ZNF619: variants seen among roughly 807,000 people sequenced by gnomAD.
ZNF619 encodes the protein zinc finger protein 619.
Under a neutral mutation model 14.2 loss-of-function variants are expected in ZNF619, and 9 were observed. The observed-to-expected ratio is 0.64, with a 90% CI of 0.38 to 1.11. ZNF619 has a LOEUF of 1.11. Ranked by LOEUF, ZNF619 falls within the 50% of genes least tolerant of loss-of-function variation. ZNF619 has a pLI of 0.01. For synonymous variants in ZNF619, 246 were observed against 252.8 expected (o/e 0.97, Z 0.26); for missense variants, 659 against 680.1 (o/e 0.97, Z 0.34).
Position 40,481,927 on chromosome 3 carries a change from C to G in ZNF619, c.89C>G (p.Thr30Ser). The change falls in exon 3 of 5, where the codon ACC becomes AGC. Residue 30 changes from threonine (T) to serine (S), a missense_variant. Physicochemically the swap from Thr to Ser is moderately conservative, Grantham distance 58. Transcript: ENST00000432264. ...VTFEDVAVYFTQNEWASLHPT... is the reference protein window; with the variant it reads ...VTFEDVAVYFSQNEWASLHPT... The stretch of plus-strand genomic sequence containing the variant: ...TTTGAGGATGTGGCTGTGTACTTCA[C>G]CCAGAATGAATGGGCCAGCCTGCAC... 1.9e-6 allele frequency: 3 copies of G among 1,613,860 alleles called. No individual in the cohort carries two copies. Among genetic ancestry groups the G allele is most frequent in the Non-Finnish European group, 2.5e-6 (3 of 1,179,882 alleles).
At position 40,486,895 on chromosome 3, in the gene ZNF619, C is replaced by G. The variant is rs765861454; in HGVS notation, c.385C>G (p.Leu129Val). The G allele has an allele frequency of 6.2e-7, 1 of 1,614,180 alleles. No homozygotes were observed. The highest frequency in any genetic ancestry group is 8.5e-7 in the Non-Finnish European group (1 of 1,180,042). ...SESHRLIVEGLLMDVPQHPDF... is the reference protein window; with the variant it reads ...SESHRLIVEGVLMDVPQHPDF... ...GTCCCACAGACTGATAGTGGAGGGA[C>G]TGCTGATGGACGTTCCCCAGCACCC... The change falls in exon 5 of 5, where the codon CTG (leucine) becomes GTG (valine). Residue 129 changes from leucine to valine, a missense_variant. By Grantham distance (32) the Leu-to-Val change is conservative. Transcript: ENST00000432264.
intron 2 of ZNF619, 99 bp from the exon 3 acceptor site, chr3:40,481,764 T>C: frequency 4.0e-6 from 6 of 1,485,134 alleles, no homozygotes; most frequent in Non-Finnish European, 3.6e-6. Flanking sequence ...TGTGTGGCTC[T>C]CCTTGCCAGT....
chr3:40,482,960 G>C lies in ZNF619; in HGVS notation c.295+256G>C, dbSNP rs1049860840. ...GATGTGGTGGCTTACACCTATATCCGAGCACTTTGGGAGGCCAAGGTGGGA... is the reference window on the plus strand; with the variant it reads ...GATGTGGTGGCTTACACCTATATCCCAGCACTTTGGGAGGCCAAGGTGGGA... On this transcript the variant is annotated intron_variant, in intron 4 of 4. Transcript: ENST00000432264. Among the ~76,000 whole-genome samples, 3 of 152,110 alleles carry C rather than the reference G, an allele frequency of 2.0e-5. No homozygotes were observed. The South Asian group carries it at 6.2e-4, about 31-fold the overall frequency.
At chr3:40,480,275 C>T (rs1199219303) in intron 2 of ZNF619, among the ~76,000 whole-genome samples, 1 of 152,104 alleles carries the variant, frequency 6.6e-6, no homozygotes, top group Admixed American at 6.5e-5. Flanking sequence ...AAATTGAAAT[C>T]AATTAAAGTT....
intron 4 of ZNF619, among the ~76,000 whole-genome samples, chr3:40,486,599 G>T (rs1001545211): frequency 2.0e-5 from 3 of 151,982 alleles, no homozygotes; most frequent in Admixed American, 2.0e-4. Context: ...TACTTGGGAG[G>T]CTGAGGTAGG....
chr3:40,485,685 A>G (rs1277003026), intron 4 of ZNF619, among the ~76,000 whole-genome samples: 1 of 151,668 alleles, frequency 6.6e-6, no homozygotes, highest in Non-Finnish European at 1.5e-5. Context: ...ACATGTCTGT[A>G]TTGTTTTAGG....
rs1307446147 is a variant in ZNF619 at position 40,488,223 on chromosome 3, T to C, written c.1713T>C (p.Pro571=). Residue 571 remains proline (P), a synonymous_variant, in exon 5 of 5, where the codon CCT becomes CCC. Transcript: ENST00000432264. ...PGKSSLQSPN[P]LSHSL is the part of the protein sequence containing the mutation. ...AGTCATCCCTTCAGAGCCCGAATCC[T>C]TTGTCTCACTCCCTGTAAGCCCCGT... 3 of 1,568,886 alleles carry C rather than the reference T, an allele frequency of 1.9e-6. No homozygotes were observed. Among genetic ancestry groups the C allele is most frequent in the Non-Finnish European group, 1.7e-6 (2 of 1,145,542 alleles).
chr3:40,485,788 G>A (rs78133211), intron 4 of ZNF619, among the ~76,000 whole-genome samples: 1 of 152,082 alleles, frequency 6.6e-6, no homozygotes, highest in South Asian at 2.1e-4. Context: ...GGCAAAAAAG[G>A]TTTCTATGTT....
chr3:40,480,241 C>G (rs1697340182), intron 2 of ZNF619, among the ~76,000 whole-genome samples: 1 of 152,110 alleles, frequency 6.6e-6, no homozygotes, highest in African/African-American at 2.4e-5. Context: ...CAGGAAGGTA[C>G]CCCCTAGCTA....
rs1489654630 is a variant in ZNF619 at position 40,477,371 on chromosome 3, G to A, written c.-63+14G>A. The A allele has an allele frequency of 6.5e-6, 1 of 153,642 alleles. No individual in the cohort carries two copies. Among genetic ancestry groups the A allele is most frequent in the Non-Finnish European group, 1.4e-5 (1 of 68,982 alleles). 9.5% of individuals were successfully genotyped at this position (153,642 alleles called of 1,614,324 possible). A position where few individuals can be genotyped will look rare whatever the true frequency, so the allele number is the denominator to read the frequency against. On this transcript the variant is annotated intron_variant, in intron 1 of 4. Coordinates refer to ENST00000432264, the MANE Select transcript of ZNF619 (RefSeq NM_001145093.4). ...CCTCGGGTCGCGGTATTCATGGGGA[G>A]GATGGGAGCCGTGACTATAGGGTCT...
At chr3:40,486,257 T>G (rs927545311) in intron 4 of ZNF619, among the ~76,000 whole-genome samples, 1 of 152,228 alleles carries the variant, frequency 6.6e-6, no homozygotes, top group African/African-American at 2.4e-5. Flanking sequence ...CCATTTTTCT[T>G]TAACCATTTG....
Position 40,487,990 on chromosome 3 carries a change from C to A in ZNF619, c.1480C>A (p.Pro494Thr). ...TGGAACAGGGCTATCCGCAGTTAAG[C>A]CCTACTGTCCCTGCGCCATCCTCTC... ...INGTGLSAVK[P>T]YCPCAILSPL... The change falls in exon 5 of 5, where the codon CCC becomes ACC. Residue 494 changes from proline to threonine, a missense_variant. Physicochemically the swap from Pro to Thr is conservative, Grantham distance 38 (BLOSUM62 -1). Transcript: ENST00000432264. 1 of 1,614,178 alleles carries A rather than the reference C, an allele frequency of 6.2e-7. No individual in the cohort carries two copies. Among genetic ancestry groups the A allele is most frequent in the African/African-American group, 1.3e-5 (1 of 75,056 alleles).
intron 2 of ZNF619, among the ~76,000 whole-genome samples, chr3:40,481,159 G>C (rs924534226): frequency 3.3e-5 from 5 of 152,208 alleles, no homozygotes; most frequent in Non-Finnish European, 5.9e-5. Flanking sequence ...AACCTGTGAT[G>C]GTGTCCTTCT....
intron 2 of ZNF619, among the ~76,000 whole-genome samples, chr3:40,478,623 G>C (rs1020686057): frequency 2.6e-5 from 4 of 152,014 alleles, no homozygotes; most frequent in Non-Finnish European, 2.9e-5. Flanking sequence ...CTCTGTGAGA[G>C]TCTATATCCT....
At position 40,478,045 on chromosome 3, in the gene ZNF619, T is replaced by A. The variant is rs1368755701; in HGVS notation, c.24+42T>A. On this transcript the variant is annotated intron_variant, in intron 2 of 4. Transcript: ENST00000432264. ...TTCAGCTTTCCATACTCAGAACAGA[T>A]ATGGAAGGTCAGTACAGCCCCAGTA... The A allele has an allele frequency of 5.2e-6, 8 of 1,545,872 alleles. No homozygotes were observed. In the Admixed American group the frequency reaches 1.4e-4, roughly 27 times the overall value.
At position 40,487,068 on chromosome 3, in the gene ZNF619, T is replaced by C. The variant is rs755021155; in HGVS notation, c.558T>C (p.Ser186=). 3.7e-6 allele frequency: 6 copies of C among 1,614,112 alleles called. No individual in the cohort carries two copies. In the East Asian group the frequency reaches 6.7e-5, roughly 18 times the overall value. The stretch of plus-strand genomic sequence containing the variant: ...TAGCCAGGAAATTGGAAGAAAGTAG[T>C]GTCAGCACACATCTCATTACAAAGC... The part of the protein sequence containing the change: ...EEIARKLEES[S]VSTHLITKQG... Residue 186 remains serine (S), a synonymous_variant, in exon 5 of 5, where the codon AGT becomes AGC. Transcript: ENST00000432264.
Position 40,487,739 on chromosome 3 carries a change from G to A in ZNF619, c.1229G>A (p.Ser410Asn). 1 of 1,614,144 alleles carries A rather than the reference G, an allele frequency of 6.2e-7. No homozygotes were observed. The highest frequency in any genetic ancestry group is 8.5e-7 in the Non-Finnish European group (1 of 1,180,036). The part of the protein sequence containing the change: ...YKCNECWKTF[S>N]CSSRFIVHQR... Reference sequence around the variant, plus strand: ...TGTAATGAATGTTGGAAAACTTTCAGCTGTAGCTCCCGCTTCATAGTGCAT... The same window carrying A: ...TGTAATGAATGTTGGAAAACTTTCAACTGTAGCTCCCGCTTCATAGTGCAT... The change falls in exon 5 of 5, where the codon AGC (serine) becomes AAC (asparagine). Residue 410 changes from serine (S) to asparagine (N), a missense_variant. Transcript: ENST00000432264.
intron 2 of ZNF619, 132 bp downstream of exon 2, chr3:40,478,135 C>T (rs751612988): frequency 4.4e-5 from 37 of 836,436 alleles, no homozygotes; most frequent in East Asian, 8.4e-5. Flanking sequence ...AAACAGTATG[C>T]GAGGGGAGTT....
chr3:40,488,834 A>G lies in ZNF619; in HGVS notation c.*593A>G, dbSNP rs1202116948. 6.6e-6 allele frequency: 1 copy of G among 152,086 alleles called. No homozygotes were observed. The highest frequency in any genetic ancestry group is 2.4e-5 in the African/African-American group (1 of 41,310). The allele number at this position is 152,086 out of a possible 1,614,324, so 9.4% of individuals were successfully genotyped here. On this transcript the variant is annotated 3_prime_UTR_variant, in exon 5 of 5. Transcript: ENST00000432264. ...CACCACCACGCCCCGCTAATTTTGT[A>G]TTTTTAGTAGAGACAGGGTTTCACC...
Sources: allele counts gnomAD v4.1 joint callset (sites outside exome capture counted in the v4.1 genomes callset), GRCh38; gene constraint gnomAD v4.1.1; transcripts MANE v1.5; gene names NCBI Gene and HGNC (gene_info 2026-07-23, HGNC 2026-07-21).